ENTPD6: variants seen among roughly 807,000 people sequenced by gnomAD.
ENTPD6 encodes ectonucleoside triphosphate diphosphohydrolase 6.
Under a neutral mutation model 61.5 loss-of-function variants are expected in ENTPD6, and 46 were observed. The observed-to-expected ratio is 0.75, with a 90% CI of 0.59 to 0.96. ENTPD6 has a LOEUF of 0.96. Ranked by LOEUF, ENTPD6 falls within the 40% of genes least tolerant of loss-of-function variation. The pLI is 0.00. For synonymous variants in ENTPD6, 252 were observed against 255.5 expected, an observed-to-expected ratio of 0.99 and a Z score of 0.13; for missense variants, 612 against 629.0, an observed-to-expected ratio of 0.97 and a Z score of 0.29.
At chr20:25,218,353 A>G (rs1247261258) in intron 9 of ENTPD6, among the ~76,000 whole-genome samples, 197 bp from the exon 10 acceptor site, 1 of 152,216 alleles carries the variant, frequency 6.6e-6, no homozygotes, top group Non-Finnish European at 1.5e-5. Flanking sequence ...CTGCCATATG[A>G]TAGGCCCTCG....
At chr20:25,223,022 G>T in intron 12 of ENTPD6, 44 bp downstream of exon 12, 2 of 1,535,748 alleles carry the variant, frequency 1.3e-6, no homozygotes, top group Admixed American at 1.7e-5. Flanking sequence ...CGGGGCGGCA[G>T]GGGGCGGGGG....
intron 4 of ENTPD6, among the ~76,000 whole-genome samples, chr20:25,212,866 C>T (rs375386053): frequency 2.0e-5 from 3 of 152,138 alleles, no homozygotes; most frequent in Non-Finnish European, 4.4e-5. Flanking sequence ...CCACCACGCC[C>T]GGCTAATTTT....
chr20:25,197,234 G>A, intron 1 of ENTPD6: 1 of 985,426 alleles, frequency 1.0e-6, no homozygotes, highest in African/African-American at 1.7e-5. Context: ...GAGGTGACCT[G>A]CCATCCCCAT....
intron 1 of ENTPD6, among the ~76,000 whole-genome samples, chr20:25,199,006 C>A (rs1006528292): frequency 2.0e-5 from 3 of 152,226 alleles, no homozygotes; most frequent in Admixed American, 1.3e-4. Flanking sequence ...ATCTATGATG[C>A]CTGCATCTTC....
chr20:25,217,654 T>C, intron 9 of ENTPD6, 73 bp downstream of exon 9: 1 of 1,298,728 alleles, frequency 7.7e-7, no homozygotes, highest in Non-Finnish European at 1.1e-6. Context: ...CGCATGGCCC[T>C]CTTGAGGTCA....
At chr20:25,202,449 CT>C (rs1264267326) in intron 1 of ENTPD6, among the ~76,000 whole-genome samples, 15 of 152,152 alleles carry the variant, frequency 9.9e-5, no homozygotes, top group Middle Eastern at 3.4e-3. Context: ...TATTTTATAG[CT>C]TTTTTTGTCC....
chr20:25,199,541 G>A (rs889313828), intron 1 of ENTPD6, among the ~76,000 whole-genome samples: 1 of 152,170 alleles, frequency 6.6e-6, no homozygotes, highest in Admixed American at 6.5e-5. Context: ...CTTTTTAAAT[G>A]TACAGTTCTG....
Position 25,225,272 on chromosome 20 carries a change from C to T in ENTPD6, c.1311C>T (p.Ser437=), listed in dbSNP as rs568537275. 3.1e-6 allele frequency: 5 copies of T among 1,613,564 alleles called. No homozygotes were observed. The East Asian group carries it at 6.7e-5, about 22-fold the overall frequency. The change falls in exon 14 of 15, where the codon AGC becomes AGT. Residue 437 remains serine, a synonymous_variant. Coordinates refer to ENST00000376652, the MANE Select transcript of ENTPD6 (RefSeq NM_001247.5). ...PFSCMDLTYV[S]LLLQEFGFPR... ...CATGCATGGACCTCACCTACGTCAG[C>T]CTGCTACTCCAGGAGTTCGGCTTTC...
intron 1 of ENTPD6, 45 bp downstream of exon 1, chr20:25,195,912 C>A: frequency 8.2e-7 from 1 of 1,219,874 alleles, no homozygotes; most frequent in Non-Finnish European, 1.0e-6. Flanking sequence ...CGGGGATCAC[C>A]GACTGTAGGC....
chr20:25,196,031 C>A (rs774423878), intron 1 of ENTPD6, 164 bp downstream of exon 1: 119 of 840,884 alleles, frequency 1.4e-4, no homozygotes, highest in Non-Finnish European at 1.8e-4. Context: ...TTAGGGCTCC[C>A]TGGATGTCTG....
chr20:25,213,394 G>C lies in ENTPD6; in HGVS notation c.585G>C (p.Lys195Asn). ...TGTTACCTGGAGAAAAGGCCCAGAA[G>C]TTACTGCAGAAGGTGAGCCTGGCCA... ...LRLLPGEKAQ[K>N]LLQKVKKVFK... is the part of the protein sequence containing the mutation. Residue 195 changes from lysine (K) to asparagine (N), a missense_variant, in exon 5 of 15, where the codon AAG (lysine) becomes AAC (asparagine). Coordinates refer to ENST00000376652, the MANE Select transcript of ENTPD6 (RefSeq NM_001247.5). The C allele has an allele frequency of 1.2e-6, 2 of 1,610,028 alleles. No homozygotes were observed. The highest frequency in any genetic ancestry group is 1.1e-5 in the South Asian group (1 of 90,466).
chr20:25,213,377 G>A lies in ENTPD6; in HGVS notation c.568G>A (p.Gly190Arg). The change falls in exon 5 of 15, where the codon GGA becomes AGA. Residue 190 changes from glycine to arginine, a missense_variant. By Grantham distance (125) the Gly-to-Arg change is moderately radical (BLOSUM62 -2). Transcript: ENST00000376652. Reference sequence around the variant, plus strand: ...CACAGCTGGCTTACGCCTGTTACCTGGAGAAAAGGCCCAGAAGTTACTGCA... The same window carrying A: ...CACAGCTGGCTTACGCCTGTTACCTAGAGAAAAGGCCCAGAAGTTACTGCA... ...KATAGLRLLP[G>R]EKAQKLLQKV... is the part of the protein sequence containing the mutation. 6.2e-7 allele frequency: 1 copy of A among 1,613,334 alleles called. No homozygotes were observed. The highest frequency in any genetic ancestry group is 8.5e-7 in the Non-Finnish European group (1 of 1,179,494).
rs200252705 is a variant in ENTPD6, at chr20:25,207,424, C to T, written c.376+27C>T. 32 of 1,507,248 alleles carry T rather than the reference C, an allele frequency of 2.1e-5. No individual in the cohort carries two copies. The African/African-American group carries it at 2.9e-4, about 14-fold the overall frequency. The allele number at this position is 1,507,248 out of a possible 1,614,324, so 93.4% of individuals were successfully genotyped here. A position where few individuals can be genotyped will look rare whatever the true frequency, so the allele number is the denominator to read the frequency against. ...TACCCGCCTCTCATGGCAGGGCTCTCGGGATCTCCTCCCCTGTGCTACAGT... is the reference window on the plus strand; with the variant it reads ...TACCCGCCTCTCATGGCAGGGCTCTTGGGATCTCCTCCCCTGTGCTACAGT... On this transcript the variant is annotated intron_variant, in intron 3 of 14. Coordinates refer to ENST00000376652, the MANE Select transcript of ENTPD6 (RefSeq NM_001247.5).
At chr20:25,218,415 A>G in intron 9 of ENTPD6, 135 bp from the exon 10 acceptor site, 1 of 739,488 alleles carries the variant, frequency 1.4e-6, no homozygotes, top group Non-Finnish European at 2.3e-6. Flanking sequence ...ACAGGCTTTT[A>G]GAAGGAGCAG....
At chr20:25,225,028 C>T (rs1015345032) in intron 13 of ENTPD6, 177 bp from the exon 14 acceptor site, 11 of 988,948 alleles carry the variant, frequency 1.1e-5, no homozygotes, top group African/African-American at 9.8e-5. Context: ...CCGGGGTTGC[C>T]GCCCACCTGC....
In ENTPD6 at chr20:25,217,537, G is replaced by A. The variant is rs756210753; in HGVS notation, c.834G>A (p.Thr278=). Residue 278 remains threonine, a synonymous_variant, in exon 9 of 15, where the codon ACG becomes ACA. Transcript: ENST00000376652. ...AGGCCTCCCCACCCGGCTACCTGAC[G>A]GCACTGCGGATGTTTAACAGGACCT... The part of the protein sequence containing the change: ...TLQASPPGYL[T]ALRMFNRTYK... 2.7e-5 allele frequency: 43 copies of A among 1,613,998 alleles called. No individual in the cohort carries two copies. The highest frequency in any genetic ancestry group is 6.7e-5 in the Admixed American group (4 of 60,000).
At position 25,217,611 on chromosome 20, in the gene ENTPD6, C is replaced by T. The variant is rs537222010; in HGVS notation, c.878+30C>T. Reference sequence around the variant, plus strand: ...GCTTTCGGGAACAGGCGTGGGGAGGCGCCATGGGGTGGGTATGCAGCTCCC... The same window carrying T: ...GCTTTCGGGAACAGGCGTGGGGAGGTGCCATGGGGTGGGTATGCAGCTCCC... On this transcript the variant is annotated intron_variant, in intron 9 of 14. Transcript: ENST00000376652. The T allele has an allele frequency of 6.0e-5, 96 of 1,599,092 alleles. No individual in the cohort carries two copies. In the South Asian group the frequency reaches 6.6e-4, roughly 11 times the overall value.
chr20:25,213,091 C>T (rs557358394), intron 4 of ENTPD6, among the ~76,000 whole-genome samples, 172 bp from the exon 5 acceptor site: 1 of 152,290 alleles, frequency 6.6e-6, no homozygotes, highest in East Asian at 1.9e-4. Context: ...TCACTTGAGC[C>T]CAGGAATTCA....
intron 1 of ENTPD6, among the ~76,000 whole-genome samples, chr20:25,201,247 A>G (rs950806462): frequency 6.6e-6 from 1 of 152,186 alleles, no homozygotes; most frequent in African/African-American, 2.4e-5. Flanking sequence ...CGTTGCATGC[A>G]GGGCGCTCCG....
Sources: gnomAD v4.1 joint callset for allele counts (sites outside exome capture counted in the v4.1 genomes callset) on GRCh38, gnomAD v4.1.1 for gene constraint, MANE v1.5 for transcripts, NCBI Gene and HGNC (gene_info 2026-07-23, HGNC 2026-07-21) for gene names.